The following CCDC122 variants were observed in gnomAD, a reference collection of about 807,000 sequenced individuals.
The protein encoded by CCDC122 is coiled-coil domain containing 122.
Under a neutral mutation model 37.0 loss-of-function variants are expected in CCDC122, and 38 were observed. That is an observed-to-expected ratio of 1.03 (90% CI 0.79 to 1.35). CCDC122 has a LOEUF of 1.35. CCDC122 is among the 40% of genes most tolerant of loss of function. CCDC122 has a pLI of 0.00. For missense variants in CCDC122, 305 were observed against 310.0 expected (o/e 0.98, Z 0.12); for synonymous variants, 83 against 95.6 (o/e 0.87, Z 0.77).
intron 2 of CCDC122, among the ~76,000 whole-genome samples, chr13:43,870,578 T>C (rs987398274): frequency 1.3e-5 from 2 of 152,170 alleles, no homozygotes; most frequent in African/African-American, 4.8e-5. Context: ...TGCTAGTCAC[T>C]GTTGTTCCAA....
chr13:43,840,533 C>G (rs904488348), intron 6 of CCDC122, among the ~76,000 whole-genome samples: 8 of 151,992 alleles, frequency 5.3e-5, no homozygotes, highest in African/African-American at 1.9e-4. Flanking sequence ...TCCCCACTAC[C>G]CCCACCCCAC....
At chr13:43,873,684 G>A (rs1283813689) in intron 2 of CCDC122, among the ~76,000 whole-genome samples, 5 of 152,090 alleles carry the variant, frequency 3.3e-5, no homozygotes, top group Non-Finnish European at 7.4e-5. Context: ...CAGTTCTTTT[G>A]GCAAAGCCCA....
intron 6 of CCDC122, among the ~76,000 whole-genome samples, chr13:43,841,028 C>T (rs960272635): frequency 1.3e-5 from 2 of 152,222 alleles, no homozygotes; most frequent in African/African-American, 2.4e-5. Context: ...TATTTCTCCA[C>T]ATCCTCTCCA....
At chr13:43,868,596 T>G in intron 4 of CCDC122, 98 bp downstream of exon 4, 1 of 625,044 alleles carries the variant, frequency 1.6e-6, no homozygotes, top group South Asian at 2.7e-5. Flanking sequence ...GAGAATAACT[T>G]TAAAAGTGAC....
chr13:43,864,114 C>T (rs1245278889), intron 4 of CCDC122, among the ~76,000 whole-genome samples: 1 of 152,132 alleles, frequency 6.6e-6, no homozygotes, highest in African/African-American at 2.4e-5. Context: ...TCCTTCTCTA[C>T]TGAATTGCTT....
intron 3 of CCDC122, among the ~76,000 whole-genome samples, chr13:43,824,593 A>G (rs1229528214): frequency 2.0e-5 from 3 of 152,254 alleles, no homozygotes; most frequent in African/African-American, 7.2e-5. Context: ...GCACAGCAAA[A>G]GAACTATCAA....
intron 3 of CCDC122, 128 bp downstream of exon 3, chr13:43,869,203 T>C: frequency 1.4e-6 from 1 of 724,558 alleles, no homozygotes; most frequent in Non-Finnish European, 2.4e-6. Flanking sequence ...TATATGTTTG[T>C]CCCAGCTAAA....
At chr13:43,859,304 T>C (rs940052369) in intron 5 of CCDC122, among the ~76,000 whole-genome samples, 1 of 152,150 alleles carries the variant, frequency 6.6e-6, no homozygotes, top group Non-Finnish European at 1.5e-5. Context: ...ATAACACCAT[T>C]AAGTGTACTA....
intron 6 of CCDC122, among the ~76,000 whole-genome samples, chr13:43,844,547 T>C (rs991166000): frequency 6.6e-6 from 1 of 152,122 alleles, no homozygotes; most frequent in Non-Finnish European, 1.5e-5. Context: ...ATATGTTTAC[T>C]GATATTCTGT....
chr13:43,841,360 G>T (rs970281029), intron 6 of CCDC122, among the ~76,000 whole-genome samples: 40 of 152,146 alleles, frequency 2.6e-4, no homozygotes, highest in African/African-American at 9.2e-4. Flanking sequence ...CCCCAGTAGT[G>T]CATGATCTTA....
chr13:43,858,063 T>A (rs1489406184), intron 6 of CCDC122: 1 of 152,104 alleles, frequency 6.6e-6, no homozygotes, highest in Non-Finnish European at 1.5e-5. Flanking sequence ...AATCGTGATA[T>A]TTTTTAATAG....
At chr13:43,864,263 T>C (rs1337413481) in intron 4 of CCDC122, among the ~76,000 whole-genome samples, 3 of 152,198 alleles carry the variant, frequency 2.0e-5, no homozygotes, top group Non-Finnish European at 4.4e-5. Flanking sequence ...TCAGGTAGTG[T>C]GGTAACATGG....
chr13:43,870,208 C>T (rs1214162614), intron 2 of CCDC122, among the ~76,000 whole-genome samples: 1 of 152,080 alleles, frequency 6.6e-6, no homozygotes, highest in Non-Finnish European at 1.5e-5. Context: ...TGAGAGCTTA[C>T]CTAGCAGATT....
At chr13:43,833,772 CACA>C (rs10565681), downstream of CCDC122, among the ~76,000 whole-genome samples, 56,840 of 151,624 alleles carry the variant, frequency 0.37, 10,877 homozygotes, top group East Asian at 0.52. Flanking sequence ...TCCCTGATGA[CACA>C]ACAAGTCCAC....
chr13:43,840,546 C>A lies in CCDC122; in HGVS notation c.673-3117G>T, dbSNP rs187853273. Among the ~76,000 whole-genome samples, 24 of 152,030 alleles carry A rather than the reference C, an allele frequency of 1.6e-4. No individual in the cohort carries two copies. In the East Asian group the frequency reaches 4.7e-3, roughly 29 times the overall value. On this transcript the variant is annotated intron_variant, in intron 6 of 6. Transcript: ENST00000444614. ...CCTCCCCACTACCCCCACCCCACAA[C>A]AGGCCCCGGTGCGTGATGTGATGTT... is the stretch of plus-strand genomic sequence containing the variant.
downstream of CCDC122, chr13:43,823,843 A>G (rs1953014534): frequency 6.6e-6 from 1 of 152,308 alleles, no homozygotes; most frequent in Non-Finnish European, 1.5e-5. Flanking sequence ...TGGCTCTTCA[A>G]GACTATCTCT....
In CCDC122 at chr13:43,859,828, T is replaced by C; in HGVS notation, c.399A>G (p.Lys133=). The C allele has an allele frequency of 3.1e-6, 5 of 1,608,660 alleles. No individual in the cohort carries two copies. The highest frequency in any genetic ancestry group is 4.2e-6 in the Non-Finnish European group (5 of 1,178,082). Residue 133 remains lysine (K), a synonymous_variant, in exon 5 of 7, where the codon AAA becomes AAG. Coordinates refer to ENST00000444614, the MANE Select transcript of CCDC122 (RefSeq NM_144974.5). The part of the protein sequence containing the change: ...IKYNAYYAKI[K]AHKNSLGEVE... ...CTTCCCCCAAACTATTTTTATGTGC[T>C]TTTATTTTTGCATAATATGCATTAT...
rs528242912 is a variant in CCDC122, at chr13:43,860,228, C to T, written c.157-158G>A. On this transcript the variant is annotated intron_variant, in intron 4 of 6. Coordinates refer to ENST00000444614, the MANE Select transcript of CCDC122 (RefSeq NM_144974.5). ...TGAATACAAGGAAACATGCAATAAACACAATTATTTTATAATTTCAGAAGG... is the reference window on the plus strand; with the variant it reads ...TGAATACAAGGAAACATGCAATAAATACAATTATTTTATAATTTCAGAAGG... Among the ~76,000 whole-genome samples the T allele has an allele frequency of 9.6e-5, 12 of 125,488 alleles. No homozygotes were observed. The East Asian group carries it at 2.1e-3, about 22-fold the overall frequency. 82.3% of individuals were successfully genotyped at this position (125,488 alleles called of 152,430 possible).
chr13:43,861,335 G>A (rs1022779902), intron 4 of CCDC122, among the ~76,000 whole-genome samples: 8 of 152,206 alleles, frequency 5.3e-5, no homozygotes, highest in African/African-American at 1.9e-4. Flanking sequence ...AGGGGTGGAA[G>A]TGTGTCCATC....
Sources: allele counts gnomAD v4.1 joint callset (sites outside exome capture counted in the v4.1 genomes callset), GRCh38; gene constraint gnomAD v4.1.1; transcripts MANE v1.5; gene names NCBI Gene and HGNC (gene_info 2026-07-23, HGNC 2026-07-21).